MTCL3: variants seen among roughly 807,000 people sequenced by gnomAD.
MTCL3 encodes the protein MTCL family member 3.
chr6:127,517,449 T>C, the MTCL3 span: 6 of 152,230 alleles, frequency 3.9e-5, no homozygotes, highest in South Asian at 2.1e-4. Context: ...ATTTTTAAAA[T>C]ACATTTGGAA....
the MTCL3 span, among the ~76,000 whole-genome samples, chr6:127,477,704 T>G: frequency 6.6e-6 from 1 of 152,156 alleles, no homozygotes; most frequent in South Asian, 2.1e-4. Context: ...TATCTACTAA[T>G]GGGAATATGA....
At chr6:127,478,360 C>T in the MTCL3 span, among the ~76,000 whole-genome samples, 1,233 of 152,322 alleles carry the variant, frequency 8.1e-3, 23 homozygotes, top group African/African-American at 0.028. Context: ...GCTGAAAGGA[C>T]AGTGGAATGA....
the MTCL3 span, among the ~76,000 whole-genome samples, chr6:127,491,452 A>C: frequency 1.3e-5 from 2 of 152,342 alleles, no homozygotes; most frequent in African/African-American, 2.4e-5. Flanking sequence ...GGCTAAGATG[A>C]TCCTTAGGAT....
the MTCL3 span, chr6:127,481,275 T>A: frequency 1.0e-6 from 1 of 983,458 alleles, no homozygotes; most frequent in Non-Finnish European, 1.2e-6. Flanking sequence ...TGGCAACACG[T>A]GAAATGATTC....
chr6:127,498,662 A>G, the MTCL3 span, among the ~76,000 whole-genome samples: 1 of 152,222 alleles, frequency 6.6e-6, no homozygotes, highest in Admixed American at 6.5e-5. Context: ...ATAAAATTAT[A>G]AAGTATCCAC....
the MTCL3 span, chr6:127,516,198 C>T: frequency 2.8e-6 from 4 of 1,433,688 alleles, no homozygotes; most frequent in Non-Finnish European, 3.6e-6. Flanking sequence ...GCGGTCCGGG[C>T]CTCCTGCCGC....
chr6:127,503,816 C>G, the MTCL3 span, among the ~76,000 whole-genome samples: 3 of 152,180 alleles, frequency 2.0e-5, no homozygotes, highest in Non-Finnish European at 4.4e-5. Context: ...TCCTTTTCAT[C>G]ATGTTTGCAC....
the MTCL3 span, among the ~76,000 whole-genome samples, chr6:127,473,544 A>G: frequency 2.0e-5 from 3 of 152,222 alleles, no homozygotes; most frequent in African/African-American, 4.8e-5. Flanking sequence ...AAAGCCTAAT[A>G]TACATAGCAC....
At chr6:127,517,555 G>A in the MTCL3 span, 1 of 152,128 alleles carries the variant, frequency 6.6e-6, no homozygotes, top group African/African-American at 2.4e-5. Flanking sequence ...TTAGTTTTAA[G>A]TGTAATTGCT....
chr6:127,487,317 GT>G, the MTCL3 span, among the ~76,000 whole-genome samples: 2 of 152,136 alleles, frequency 1.3e-5, no homozygotes, highest in Non-Finnish European at 2.9e-5. Flanking sequence ...AAGGTTTGGG[GT>G]ACTAGGTTAC....
the MTCL3 span, among the ~76,000 whole-genome samples, chr6:127,509,528 G>A: frequency 6.6e-6 from 1 of 152,174 alleles, no homozygotes; most frequent in Non-Finnish European, 1.5e-5. Context: ...TGGAATTGGA[G>A]GATTGCTTCT....
At chr6:127,516,613 A>G in the MTCL3 span, 1 of 1,595,872 alleles carries the variant, frequency 6.3e-7, no homozygotes, top group Non-Finnish European at 8.5e-7. Context: ...TGGCTGACTC[A>G]TGGCTATGAA....
At chr6:127,511,922 T>G in the MTCL3 span, among the ~76,000 whole-genome samples, 5 of 152,180 alleles carry the variant, frequency 3.3e-5, no homozygotes, top group Non-Finnish European at 2.9e-5. Context: ...GGTAAATACC[T>G]CAGTCTGTGG....
the MTCL3 span, chr6:127,513,143 T>C: frequency 8.7e-7 from 1 of 1,148,992 alleles, no homozygotes; most frequent in Non-Finnish European, 1.2e-6. Context: ...AAACCCAATA[T>C]TTATATGGTG....
At chr6:127,517,900 C>G in the MTCL3 span, 26 of 152,332 alleles carry the variant, frequency 1.7e-4, 1 homozygote, top group Admixed American at 8.5e-4. Context: ...ATAAATTTCT[C>G]CTTTAAAAAT....
chr6:127,476,366 C>G, the MTCL3 span: 1 of 1,614,180 alleles, frequency 6.2e-7, no homozygotes, highest in African/African-American at 1.3e-5. This position sits in a 1 kb window ranked among gnomAD's most constrained non-coding sequence, Gnocchi z 4.4. Flanking sequence ...AGCTCGTGTT[C>G]AAATCTGTCC....
chr6:127,516,824 G>A, the MTCL3 span: 3 of 840,764 alleles, frequency 3.6e-6, no homozygotes, highest in African/African-American at 5.2e-5. Context: ...TAGGATGCAG[G>A]GCTGTCTTTA....
chr6:127,508,355 T>C, the MTCL3 span, among the ~76,000 whole-genome samples: 1 of 152,198 alleles, frequency 6.6e-6, no homozygotes, highest in South Asian at 2.1e-4. Context: ...GTAAAGAGAA[T>C]CTGGGTATAC....
the MTCL3 span, among the ~76,000 whole-genome samples, chr6:127,491,131 T>C: frequency 6.6e-6 from 1 of 152,262 alleles, no homozygotes; most frequent in African/African-American, 2.4e-5. Context: ...ATATGAACTT[T>C]GCTGAAATGA....
Sources: gnomAD v4.1 joint callset for allele counts (sites outside exome capture counted in the v4.1 genomes callset) on GRCh38, gnomAD v4.1.1 for gene constraint, Gnocchi (gnomAD v3.1) non-coding constraint, MANE v1.5 for transcripts, NCBI Gene and HGNC (gene_info 2026-07-23, HGNC 2026-07-21) for gene names.